SLC12A7: variants seen among roughly 807,000 people sequenced by gnomAD.
SLC12A7 encodes K-Cl cotransporter 4.
In SLC12A7, 100 loss-of-function variants were observed where a neutral mutation model predicts 120.6. The observed-to-expected ratio is 0.83, with a 90% confidence interval of 0.71 to 0.98. The LOEUF (loss-of-function observed/expected upper bound fraction) is 0.98, where lower values mean the gene tolerates loss of function less well. SLC12A7 is among the 50% of genes least tolerant of loss of function. SLC12A7 has a pLI of 0.00. For missense variants in SLC12A7, 1,373 were observed against 1,548.1 expected (o/e 0.89, Z 1.90); for synonymous variants, 760 against 678.0 (o/e 1.12, Z -1.88).
chr5:1,073,867 A>C, intron 16 of SLC12A7, 66 bp from the exon 17 acceptor site: 1 of 1,319,930 alleles, frequency 7.6e-7, no homozygotes, highest in Non-Finnish European at 9.7e-7. Context: ...ATCAACAGGC[A>C]GGGCAGATGG....
chr5:1,086,622 C>T (rs1051732803), intron 6 of SLC12A7, among the ~76,000 whole-genome samples: 4 of 152,242 alleles, frequency 2.6e-5, no homozygotes, highest in Non-Finnish European at 4.4e-5. Context: ...ACTGCACCTA[C>T]GCGGGGCTCA....
intron 3 of SLC12A7, among the ~76,000 whole-genome samples, chr5:1,092,225 C>T (rs1378227647): frequency 6.6e-6 from 1 of 152,270 alleles, no homozygotes; most frequent in South Asian, 2.1e-4. Context: ...ACATCTTGAG[C>T]GGCCTGACTT....
rs200019026 is a variant in SLC12A7 at position 1,060,471 on chromosome 5, G to A, written c.2740-20C>T. 2,747 of 1,576,728 alleles carry A rather than the reference G, an allele frequency of 1.7e-3. 5 individuals are homozygous for A. Among genetic ancestry groups the A allele is most frequent in the Non-Finnish European group, 2.2e-3 (2,527 of 1,146,634 alleles). On this transcript the variant is annotated intron_variant, in intron 20 of 23. Coordinates refer to ENST00000264930, the MANE Select transcript of SLC12A7 (RefSeq NM_006598.3). ...TTCAACCTAGAAAGTTCCCAAGCAC[G>A]TAGTAAGCCCGGTGTGCACAGAACC...
rs1734981848 is a variant in SLC12A7 at position 1,051,059 on chromosome 5, TATGCCAC to T, written c.*1294_*1300del. On this transcript the variant is annotated 3_prime_UTR_variant, in exon 24 of 24. Coordinates refer to ENST00000264930, the MANE Select transcript of SLC12A7 (RefSeq NM_006598.3). Reference sequence around the variant, plus strand: ...TCCCTGGGGTGTTTAAATAAATAAATATGCCACATAGAAAGGGAGGCCCAAGTCGGTG... The same window carrying T: ...TCCCTGGGGTGTTTAAATAAATAAATATAGAAAGGGAGGCCCAAGTCGGTG... The T allele has an allele frequency of 2.5e-6, 1 of 397,654 alleles. No homozygotes were observed. The highest frequency in any genetic ancestry group is 1.3e-4 in the South Asian group (1 of 7,426). The allele number at this position is 397,654 out of a possible 1,614,324, so 24.6% of individuals were successfully genotyped here. A position where few individuals can be genotyped will look rare whatever the true frequency, so the allele number is the denominator to read the frequency against.
At position 1,085,382 on chromosome 5, in the gene SLC12A7, G is replaced by A. The variant is rs746702666; in HGVS notation, c.767C>T (p.Thr256Met). The A allele has an allele frequency of 3.1e-5, 50 of 1,611,968 alleles. No individual in the cohort carries two copies. Among genetic ancestry groups the A allele is most frequent in the Non-Finnish European group, 3.5e-5 (41 of 1,179,656 alleles). Residue 256 changes from threonine to methionine, a missense_variant, in exon 7 of 24, where the codon ACG (threonine) becomes ATG (methionine). Physicochemically the swap from Thr to Met is moderately conservative, Grantham distance 81 (BLOSUM62 -1). Transcript: ENST00000264930. ...AMLHNMRVYG[T>M]CTLVLMALVV... is the part of the protein sequence containing the mutation. The stretch of plus-strand genomic sequence containing the variant: ...CAGGGCCATGAGCACGAGCGTGCAC[G>A]TGCCGTACACACGCATGTTGTGCAG...
chr5:1,084,365 C>T (rs746011914), intron 7 of SLC12A7, among the ~76,000 whole-genome samples: 6 of 152,344 alleles, frequency 3.9e-5, no homozygotes, highest in East Asian at 3.9e-4. Context: ...CCTCCCCCCG[C>T]GCCAGCACAG....
chr5:1,126,470 TC>T, the SLC12A7 span, among the ~76,000 whole-genome samples: 1 of 152,252 alleles, frequency 6.6e-6, no homozygotes, highest in East Asian at 1.9e-4. Context: ...GTTTTTTTCT[TC>T]TGATTTGTTT....
chr5:1,106,537 C>G lies in SLC12A7; in HGVS notation c.124+5331G>C, dbSNP rs535882549. The stretch of plus-strand genomic sequence containing the variant: ...CCCTCCGGGCAGCCAGCTGGCCTCA[C>G]AGACGCCATCCATCCCTGGGGTGTC... On this transcript the variant is annotated intron_variant, in intron 1 of 23. Coordinates refer to ENST00000264930, the MANE Select transcript of SLC12A7 (RefSeq NM_006598.3). Among the ~76,000 whole-genome samples, 30 of 152,100 alleles carry G rather than the reference C, an allele frequency of 2.0e-4. No individual in the cohort carries two copies. The East Asian group carries it at 5.0e-3, about 26-fold the overall frequency.
the SLC12A7 span, among the ~76,000 whole-genome samples, chr5:1,132,220 G>C: frequency 2.0e-5 from 3 of 152,078 alleles, no homozygotes; most frequent in Non-Finnish European, 4.4e-5. Context: ...CTACCAGCAC[G>C]GTGGCAGTTT....
intron 1 of SLC12A7, among the ~76,000 whole-genome samples, chr5:1,097,166 T>C (rs4975593): frequency 0.44 from 66,999 of 152,116 alleles, 15,622 homozygotes; most frequent in Non-Finnish European, 0.53. Context: ...GGTCTTAGCA[T>C]GTAACTATGT....
At chr5:1,067,527 G>A (rs1034137236) in intron 17 of SLC12A7, among the ~76,000 whole-genome samples, 12 of 152,216 alleles carry the variant, frequency 7.9e-5, no homozygotes, top group African/African-American at 2.4e-4. Flanking sequence ...GCCGGAGAAC[G>A]GAGCCCAGGG....
At chr5:1,057,928 C>G (rs566308444) in intron 21 of SLC12A7, among the ~76,000 whole-genome samples, 2 of 152,344 alleles carry the variant, frequency 1.3e-5, no homozygotes, top group Admixed American at 6.5e-5. Context: ...GGAGGTGACA[C>G]GTGCTGGCAG....
the SLC12A7 span, among the ~76,000 whole-genome samples, chr5:1,134,959 T>C: frequency 6.6e-6 from 1 of 152,116 alleles, no homozygotes; most frequent in Non-Finnish European, 1.5e-5. Flanking sequence ...AAACCCCGTC[T>C]CTACCAAAAA....
chr5:1,138,263 G>GGGGCA, the SLC12A7 span, among the ~76,000 whole-genome samples: 2 of 152,300 alleles, frequency 1.3e-5, no homozygotes, highest in Admixed American at 1.3e-4. Context: ...CCGGCGGGGT[G>GGGGCA]GGGCAGGGCA....
intron 22 of SLC12A7, among the ~76,000 whole-genome samples, chr5:1,055,073 G>A (rs537779654): frequency 1.4e-4 from 21 of 152,136 alleles, no homozygotes; most frequent in Non-Finnish European, 2.6e-4. Flanking sequence ...GGAGTATGCC[G>A]GCCGCCACAG....
intron 1 of SLC12A7, among the ~76,000 whole-genome samples, chr5:1,094,450 G>A (rs962136616): frequency 6.6e-6 from 1 of 152,130 alleles, no homozygotes; most frequent in African/African-American, 2.4e-5. Flanking sequence ...CAGGGTGCAC[G>A]CTAGTCCCAG....
At position 1,074,551 on chromosome 5, in the gene SLC12A7, C is replaced by T; in HGVS notation, c.2072+16G>A. ...TTCTGTGCGTCTGAGGACCACGGGGCATGGGCGGTGCTCACCTCCAGTTCT... is the reference window on the plus strand; with the variant it reads ...TTCTGTGCGTCTGAGGACCACGGGGTATGGGCGGTGCTCACCTCCAGTTCT... On this transcript the variant is annotated intron_variant, in intron 16 of 23. Coordinates refer to ENST00000264930, the MANE Select transcript of SLC12A7 (RefSeq NM_006598.3). The T allele has an allele frequency of 6.2e-7, 1 of 1,604,954 alleles. No individual in the cohort carries two copies. The highest frequency in any genetic ancestry group is 8.5e-7 in the Non-Finnish European group (1 of 1,174,038).
intron 3 of SLC12A7, among the ~76,000 whole-genome samples, chr5:1,091,718 C>T (rs1405096290): frequency 6.6e-6 from 1 of 151,504 alleles, no homozygotes; most frequent in Non-Finnish European, 1.5e-5. Context: ...CCACCCAATT[C>T]CGCGGCGTCC....
intron 7 of SLC12A7, among the ~76,000 whole-genome samples, chr5:1,084,955 G>A (rs1384868619): frequency 6.6e-6 from 1 of 152,178 alleles, no homozygotes; most frequent in Non-Finnish European, 1.5e-5. Flanking sequence ...CAGGGCCACC[G>A]GCCACCCCTG....
Sources: gnomAD v4.1 joint callset for allele counts (sites outside exome capture counted in the v4.1 genomes callset) on GRCh38, gnomAD v4.1.1 for gene constraint, MANE v1.5 for transcripts, NCBI Gene and HGNC (gene_info 2026-07-23, HGNC 2026-07-21) for gene names.